Variants in XYLT1 observed in about 807,000 individuals in gnomAD.
XYLT1 encodes beta-D-xylosyltransferase 1.
A neutral mutation model predicts 91.3 loss-of-function variants in XYLT1; 36 were observed. The ratio of observed to expected loss-of-function variants is 0.39; its 90% CI spans 0.30 to 0.52. The LOEUF (loss-of-function observed/expected upper bound fraction) is 0.52. Ranked by LOEUF, XYLT1 falls within the 20% of genes least tolerant of loss-of-function variation. The pLI is 0.68. For missense variants in XYLT1, 1,242 were observed against 1,284.5 expected (o/e 0.97, Z 0.51); for synonymous variants, 588 against 532.0 (o/e 1.11, Z -1.45).
intron 2 of XYLT1, among the ~76,000 whole-genome samples, chr16:17,311,914 A>C (rs1013580451): frequency 2.6e-5 from 4 of 151,786 alleles, no homozygotes; most frequent in African/African-American, 4.9e-5. Context: ...TATTCACTAC[A>C]ATGAGAACAA....
intron 5 of XYLT1, among the ~76,000 whole-genome samples, chr16:17,187,393 C>CAAAA (rs71137979): frequency 3.6e-4 from 20 of 55,286 alleles, no homozygotes; most frequent in African/African-American, 1.2e-3. Flanking sequence ...GACTCAGTTT[C>CAAAA]AAAAAAAAAA....
At chr16:17,117,583 C>T in intron 11 of XYLT1, 63 bp downstream of exon 11, 1 of 1,545,568 alleles carries the variant, frequency 6.5e-7, no homozygotes, top group South Asian at 1.3e-5. Flanking sequence ...CTACCAACAC[C>T]AAAGACCCTC....
At chr16:17,209,710 A>G (rs1459595743) in intron 3 of XYLT1, among the ~76,000 whole-genome samples, 1 of 152,166 alleles carries the variant, frequency 6.6e-6, no homozygotes, top group African/African-American at 2.4e-5. Flanking sequence ...CTCACCTCTA[A>G]GTGATGCTGT....
chr16:17,236,700 T>G (rs2033254266), intron 3 of XYLT1, among the ~76,000 whole-genome samples: 1 of 152,216 alleles, frequency 6.6e-6, no homozygotes, highest in African/African-American at 2.4e-5. Context: ...TTCTTCTGGC[T>G]CCTAGGGAAT....
intron 3 of XYLT1, among the ~76,000 whole-genome samples, chr16:17,233,708 A>C (rs2033202301): frequency 6.6e-6 from 1 of 152,214 alleles, no homozygotes; most frequent in African/African-American, 2.4e-5. Context: ...AGAGTGAGCA[A>C]GCAAGCCTGG....
chr16:17,329,850 G>A (rs2034868822), intron 2 of XYLT1, among the ~76,000 whole-genome samples: 1 of 152,142 alleles, frequency 6.6e-6, no homozygotes, highest in Non-Finnish European at 1.5e-5. Flanking sequence ...CCCAGGCAAG[G>A]TACCTGACCA....
chr16:17,335,209 ACT>A (rs1405716896), intron 2 of XYLT1, among the ~76,000 whole-genome samples: 4 of 151,620 alleles, frequency 2.6e-5, no homozygotes, highest in African/African-American at 7.3e-5. Context: ...ACAGAGTGAG[ACT>A]CTGTCTCAAA....
Position 17,470,649 on chromosome 16 carries a change from C to A in XYLT1, c.148G>T (p.Ala50Ser). The change falls in exon 1 of 12, where the codon GCG (alanine) becomes TCG (serine). Residue 50 changes from alanine (A) to serine (S), a missense_variant. By Grantham distance (99) the Ala-to-Ser change is moderately conservative. Coordinates refer to ENST00000261381, the MANE Select transcript of XYLT1 (RefSeq NM_022166.4). The part of the protein sequence containing the change: ...SGAGERRGGA[A>S]VGGGEQPPPA... ...GGCGGCTGCTCCCCGCCGCCGACCG[C>A]TGCGCCCCCGCGGCGCTCCCCGGCC... is the stretch of plus-strand genomic sequence containing the variant. 1.8e-6 allele frequency: 2 copies of A among 1,120,712 alleles called. No homozygotes were observed. The highest frequency in any genetic ancestry group is 8.7e-5 in the East Asian group (1 of 11,550). The allele number at this position is 1,120,712 out of a possible 1,614,324, so 69.4% of individuals were successfully genotyped here.
At chr16:17,114,306 A>G (rs1308072156) in intron 11 of XYLT1, among the ~76,000 whole-genome samples, 3 of 152,174 alleles carry the variant, frequency 2.0e-5, no homozygotes, top group Admixed American at 2.0e-4. Flanking sequence ...CCAGTTTGAA[A>G]CCATTTGGTC....
chr16:17,202,305 T>C (rs2032557526), intron 3 of XYLT1, among the ~76,000 whole-genome samples: 1 of 152,196 alleles, frequency 6.6e-6, no homozygotes, highest in Non-Finnish European at 1.5e-5. Flanking sequence ...GAGTCTAAGC[T>C]GTCATCAGAA....
chr16:17,219,746 T>C (rs1567328270), intron 3 of XYLT1, among the ~76,000 whole-genome samples: 2 of 152,148 alleles, frequency 1.3e-5, no homozygotes, highest in Non-Finnish European at 2.9e-5. Context: ...GTTCAAGTGA[T>C]TCTCCTGTGC....
intron 5 of XYLT1, among the ~76,000 whole-genome samples, chr16:17,171,966 T>C (rs565047502): frequency 8.3e-4 from 127 of 152,330 alleles, no homozygotes; most frequent in Admixed American, 2.2e-3. Context: ...CTGCCCTCAC[T>C]AACTGCCCAA....
intron 5 of XYLT1, among the ~76,000 whole-genome samples, chr16:17,183,399 A>G (rs939542455): frequency 1.3e-5 from 2 of 152,096 alleles, no homozygotes; most frequent in African/African-American, 4.8e-5. Context: ...AGAGAGCTTT[A>G]CCCCAGAACT....
At chr16:17,254,012 G>T (rs1159228429) in intron 3 of XYLT1, among the ~76,000 whole-genome samples, 3 of 152,144 alleles carry the variant, frequency 2.0e-5, no homozygotes, top group Non-Finnish European at 2.9e-5. Flanking sequence ...CTGGCCATGT[G>T]TTTCTGGCCA....
intron 1 of XYLT1, among the ~76,000 whole-genome samples, chr16:17,463,846 T>C (rs773759101): frequency 3.3e-5 from 5 of 152,226 alleles, no homozygotes; most frequent in Non-Finnish European, 7.3e-5. Context: ...TAAGTGCCCA[T>C]CGGTGGATGA....
intron 10 of XYLT1, among the ~76,000 whole-genome samples, chr16:17,125,944 T>C (rs2380085): frequency 0.65 from 98,934 of 152,068 alleles, 33,091 homozygotes; most frequent in Non-Finnish European, 0.71. Flanking sequence ...ATTGGAGAAA[T>C]GTATCTGAGC....
At chr16:17,230,138 C>T (rs965002767) in intron 3 of XYLT1, among the ~76,000 whole-genome samples, 1 of 152,212 alleles carries the variant, frequency 6.6e-6, no homozygotes, top group African/African-American at 2.4e-5. Flanking sequence ...ACCTCCAGAA[C>T]TCTCATTCTC....
chr16:17,371,104 C>G (rs901596586), intron 1 of XYLT1, among the ~76,000 whole-genome samples: 1 of 152,146 alleles, frequency 6.6e-6, no homozygotes, highest in African/African-American at 2.4e-5. Flanking sequence ...GCTGCAAAGT[C>G]CAAGAATAAT....
intron 1 of XYLT1, among the ~76,000 whole-genome samples, chr16:17,389,337 C>T (rs1481427582): frequency 2.0e-5 from 3 of 152,238 alleles, no homozygotes; most frequent in Admixed American, 1.3e-4. Context: ...CCTCAACCTC[C>T]CGGGCTCAAG....
Sources: gnomAD v4.1 joint callset for allele counts (sites outside exome capture counted in the v4.1 genomes callset) on GRCh38, gnomAD v4.1.1 for gene constraint, MANE v1.5 for transcripts, NCBI Gene and HGNC (gene_info 2026-07-23, HGNC 2026-07-21) for gene names.